The following STK31 variants were observed in gnomAD, a reference collection of about 807,000 sequenced individuals.
The protein encoded by STK31 is serine/threonine kinase 31, also known as serine/threonine-protein kinase 31.
Under a neutral mutation model 129.7 loss-of-function variants are expected in STK31, and 89 were observed. The ratio of observed to expected loss-of-function variants is 0.69; its 90% CI spans 0.58 to 0.82. The LOEUF (loss-of-function observed/expected upper bound fraction) is 0.82, where lower values mean the gene tolerates loss of function less well. STK31 is among the 40% of genes least tolerant of loss of function. The probability of loss-of-function intolerance (pLI) is 0.00; values close to 1 mark genes in which losing one functional copy is unlikely to be tolerated. For missense variants in STK31, 1,187 were observed against 1,176.4 expected (o/e 1.01, Z -0.13); for synonymous variants, 448 against 395.3 (o/e 1.13, Z -1.58).
At chr7:23,762,159 A>G (rs1476403680) in intron 10 of STK31, among the ~76,000 whole-genome samples, 1 of 152,004 alleles carries the variant, frequency 6.6e-6, no homozygotes, top group Non-Finnish European at 1.5e-5. Context: ...ATATGTATAC[A>G]TGTGCCATGC....
intron 6 of STK31, among the ~76,000 whole-genome samples, chr7:23,730,842 C>T (rs569263125): frequency 1.7e-5 from 2 of 118,514 alleles, no homozygotes; most frequent in Non-Finnish European, 3.5e-5. Context: ...ATATATGGTA[C>T]TGTATATAAA....
At chr7:23,825,718 T>G (rs1201378163) in intron 23 of STK31, among the ~76,000 whole-genome samples, 4 of 152,218 alleles carry the variant, frequency 2.6e-5, no homozygotes, top group Admixed American at 1.3e-4. Flanking sequence ...TCTTTCCTGC[T>G]TTCTCTTATG....
chr7:23,735,345 C>T (rs1212772680), intron 6 of STK31, among the ~76,000 whole-genome samples, 193 bp from the exon 7 acceptor site: 2 of 152,126 alleles, frequency 1.3e-5, no homozygotes, highest in East Asian at 3.9e-4. Context: ...TTTAGCTCTA[C>T]TTGATTTTAG....
chr7:23,735,169 C>G (rs142094843), intron 6 of STK31, among the ~76,000 whole-genome samples: 154 of 152,072 alleles, frequency 1.0e-3, no homozygotes, highest in African/African-American at 3.5e-3. Flanking sequence ...AGTACCTTTT[C>G]TAGATATCAG....
At chr7:23,830,592 TTGTGTGTGTGTGTGTGTG>T (rs3034048) in intron 23 of STK31, among the ~76,000 whole-genome samples, 1 of 142,140 alleles carries the variant, frequency 7.0e-6, no homozygotes, top group African/African-American at 2.7e-5. Flanking sequence ...AATTTCCATG[TTGTGTGTGTGTGTGTGTG>T]TGTGTGTGTG....
chr7:23,756,609 C>G (rs1367914654), intron 10 of STK31, among the ~76,000 whole-genome samples: 2 of 152,048 alleles, frequency 1.3e-5, no homozygotes, highest in Non-Finnish European at 2.9e-5. Context: ...TTTGCCCATT[C>G]AATTTGAGGC....
At chr7:23,765,443 T>C (rs956846335) in intron 11 of STK31, among the ~76,000 whole-genome samples, 2 of 152,200 alleles carry the variant, frequency 1.3e-5, no homozygotes, top group African/African-American at 2.4e-5. Flanking sequence ...GCACCCAACG[T>C]ATATCTTTTT....
At chr7:23,821,292 A>C (rs1433542125) in intron 23 of STK31, among the ~76,000 whole-genome samples, 1 of 152,118 alleles carries the variant, frequency 6.6e-6, no homozygotes, top group Non-Finnish European at 1.5e-5. Flanking sequence ...TGTTCTCCAC[A>C]TCTTTGTGGA....
At chr7:23,732,640 T>C (rs1164781129) in intron 6 of STK31, among the ~76,000 whole-genome samples, 1 of 152,176 alleles carries the variant, frequency 6.6e-6, no homozygotes, top group African/African-American at 2.4e-5. Context: ...AAATCTAAAA[T>C]TAGATTTCTG....
intron 12 of STK31, 121 bp downstream of exon 12, chr7:23,769,295 G>T (rs1015641012): frequency 2.3e-5 from 21 of 919,382 alleles, no homozygotes; most frequent in Non-Finnish European, 3.0e-5. Context: ...ATTTAAAATT[G>T]CCACCTTACC....
intron 3 of STK31, among the ~76,000 whole-genome samples, chr7:23,714,947 G>C (rs1441217497): frequency 6.6e-6 from 1 of 152,212 alleles, no homozygotes. Flanking sequence ...TACTAAAACA[G>C]GCGGCTGTAA....
chr7:23,740,685 C>T (rs1788006059), intron 8 of STK31, among the ~76,000 whole-genome samples: 1 of 152,094 alleles, frequency 6.6e-6, no homozygotes, highest in Admixed American at 6.5e-5. Context: ...GTGATGTTCC[C>T]CTTCCTGTGT....
Position 23,710,721 on chromosome 7 carries a change from G to T in STK31, c.50+386G>T, listed in dbSNP as rs929047649. 21 of 1,071,976 alleles carry T rather than the reference G, an allele frequency of 2.0e-5. No individual in the cohort carries two copies. The African/African-American group carries it at 3.3e-4, about 17-fold the overall frequency. The allele number at this position is 1,071,976 out of a possible 1,614,324, so 66.4% of individuals were successfully genotyped here. The stretch of plus-strand genomic sequence containing the variant: ...TGGAGATTTGGACGTACTATTTTGT[G>T]ATCTCTGTTTGCAGAAAGTGGGTAC... On this transcript the variant is annotated intron_variant, in intron 1 of 23. Coordinates refer to ENST00000355870, the MANE Select transcript of STK31 (RefSeq NM_031414.5).
chr7:23,754,358 G>T lies in STK31; in HGVS notation c.1177G>T (p.Ala393Ser). Residue 393 changes from alanine to serine, a missense_variant, in exon 10 of 24, where the codon GCT becomes TCT. Around this residue, in one of 5 missense-constraint regions of STK31, gnomAD observed 975 missense variants for 934.9 expected, o/e 1.04. Transcript: ENST00000355870. ...SVRFGKDLSD[A>S]IQVLDEGCFT... ...CCGTTTCGGAAAAGACCTTTCAGAT[G>T]CTATACAAGTGTTGGATGAAGGGTG... 6.2e-7 allele frequency: 1 copy of T among 1,613,590 alleles called. No individual in the cohort carries two copies.
At chr7:23,794,984 A>T (rs1562608944) in intron 22 of STK31, among the ~76,000 whole-genome samples, 2 of 152,228 alleles carry the variant, frequency 1.3e-5, no homozygotes, top group African/African-American at 4.8e-5. Flanking sequence ...TTGGAGCCTG[A>T]TGATGTGGTA....
intron 22 of STK31, 91 bp downstream of exon 22, chr7:23,791,037 AAGCAGCAGACTTTT>A: frequency 4.3e-6 from 5 of 1,158,044 alleles, no homozygotes; most frequent in Non-Finnish European, 4.4e-6. Flanking sequence ...TAAAAATAAA[AAGCAGCAGACTTTT>A]AGTAGAACTT....
chr7:23,783,637 C>T lies in STK31; in HGVS notation c.2122C>T (p.Pro708Ser), dbSNP rs1791073535. Residue 708 changes from proline to serine, a missense_variant, in exon 17 of 24, where the codon CCT becomes TCT. Pro to Ser is a moderately conservative substitution (Grantham distance 74, BLOSUM62 -1). Transcript: ENST00000355870. ...GTTCCCTGAGCTGCCTCTGCTTCATCCTGAAATAGGATTACTCAAATACAT... is the reference window on the plus strand; with the variant it reads ...GTTCCCTGAGCTGCCTCTGCTTCATTCTGAAATAGGATTACTCAAATACAT... ...KWFPELPLLH[P>S]EIGLLKYMNS... is the part of the protein sequence containing the mutation. 6.2e-7 allele frequency: 1 copy of T among 1,611,930 alleles called. No individual in the cohort carries two copies. The highest frequency in any genetic ancestry group is 8.5e-7 in the Non-Finnish European group (1 of 1,179,296).
chr7:23,776,311 C>T (rs943248519), intron 15 of STK31, among the ~76,000 whole-genome samples: 11 of 151,872 alleles, frequency 7.2e-5, no homozygotes, highest in African/African-American at 1.9e-4. Flanking sequence ...TGTGTCTCTG[C>T]CAGGTTTTTG....
intron 21 of STK31, among the ~76,000 whole-genome samples, chr7:23,789,457 C>T (rs151198180): frequency 6.6e-6 from 1 of 152,048 alleles, no homozygotes; most frequent in African/African-American, 2.4e-5. Flanking sequence ...TGAGCAATTC[C>T]CTTTGACTAG....
Sources: gnomAD v4.1 joint callset for allele counts (sites outside exome capture counted in the v4.1 genomes callset) on GRCh38, gnomAD v4.1.1 for gene constraint, gnomAD v4.1.1 regional missense constraint, MANE v1.5 for transcripts, NCBI Gene and HGNC (gene_info 2026-07-23, HGNC 2026-07-21) for gene names.